Variants in CRPPA observed in about 807,000 individuals in gnomAD.
CRPPA encodes the protein D-ribitol-5-phosphate cytidylyltransferase.
CRPPA carries 43 observed loss-of-function variants against 52.0 expected under a neutral mutation model. The observed-to-expected ratio is 0.83, with a 90% CI of 0.65 to 1.07. CRPPA has a LOEUF of 1.07. CRPPA is among the 50% of genes least tolerant of loss of function. CRPPA has a pLI of 0.00. For missense variants in CRPPA, 629 were observed against 551.7 expected (o/e 1.14, Z -1.40); for synonymous variants, 250 against 203.5 (o/e 1.23, Z -1.94).
intron 3 of CRPPA, among the ~76,000 whole-genome samples, chr7:16,312,536 T>C (rs1326034185): frequency 6.6e-6 from 1 of 151,998 alleles, no homozygotes; most frequent in African/African-American, 2.4e-5. Context: ...CAGACAATCA[T>C]GTCATCTGTG....
chr7:16,171,549 G>A (rs751288407), intron 9 of CRPPA, among the ~76,000 whole-genome samples: 16 of 152,168 alleles, frequency 1.1e-4, no homozygotes, highest in African/African-American at 1.7e-4. Flanking sequence ...GGTGGATCAC[G>A]AGGTCAGGAA....
chr7:16,131,801 G>A (rs886786598), intron 9 of CRPPA, among the ~76,000 whole-genome samples: 2 of 152,056 alleles, frequency 1.3e-5, no homozygotes, highest in Admixed American at 6.5e-5. Flanking sequence ...GGCTGTTCTC[G>A]AGCTCTCGAA....
At chr7:16,189,396 G>C (rs10487915) in intron 9 of CRPPA, among the ~76,000 whole-genome samples, 1 of 151,926 alleles carries the variant, frequency 6.6e-6, no homozygotes, top group Non-Finnish European at 1.5e-5. Flanking sequence ...AGAATGTACG[G>C]TGATTTCTAC....
chr7:16,293,690 CT>C (rs2128421180), intron 5 of CRPPA, among the ~76,000 whole-genome samples: 1 of 152,080 alleles, frequency 6.6e-6, no homozygotes, highest in South Asian at 2.1e-4. Context: ...TCAAAGTGGT[CT>C]TCTGAAAAGC....
chr7:16,379,345 C>T (rs1272092930), intron 2 of CRPPA, among the ~76,000 whole-genome samples: 1 of 152,152 alleles, frequency 6.6e-6, no homozygotes, highest in Non-Finnish European at 1.5e-5. Context: ...TTCCATTGAT[C>T]TATATCTCTG....
intron 6 of CRPPA, among the ~76,000 whole-genome samples, chr7:16,274,414 T>A (rs1289833322): frequency 2.0e-5 from 3 of 152,194 alleles, no homozygotes; most frequent in African/African-American, 7.2e-5. Flanking sequence ...TTTAAACTTT[T>A]AATTCTTTTT....
At chr7:16,103,633 G>A (rs926758287) in intron 9 of CRPPA, among the ~76,000 whole-genome samples, 4 of 152,086 alleles carry the variant, frequency 2.6e-5, no homozygotes, top group African/African-American at 9.7e-5. Flanking sequence ...GTAAGTGTAA[G>A]GGACACTGAT....
At chr7:16,105,107 C>A (rs1002607871) in intron 9 of CRPPA, among the ~76,000 whole-genome samples, 4 of 152,094 alleles carry the variant, frequency 2.6e-5, no homozygotes, top group African/African-American at 9.7e-5. Flanking sequence ...TTGTGGAAGT[C>A]ATTATACAGG....
At chr7:16,340,183 C>T (rs754282925) in intron 3 of CRPPA, among the ~76,000 whole-genome samples, 1 of 151,888 alleles carries the variant, frequency 6.6e-6, no homozygotes, top group Non-Finnish European at 1.5e-5. Flanking sequence ...ACCAAGATGA[C>T]CTTAGGTATG....
intron 9 of CRPPA, among the ~76,000 whole-genome samples, chr7:16,211,227 ACT>A (rs950838600): frequency 1.3e-5 from 2 of 152,160 alleles, no homozygotes; most frequent in Non-Finnish European, 2.9e-5. Flanking sequence ...AGCTAACCAA[ACT>A]CTATAAAAAC....
In CRPPA at chr7:16,200,014, C is replaced by T. The variant is rs141046072; in HGVS notation, c.1251+16052G>A. Among the ~76,000 whole-genome samples the T allele has an allele frequency of 1.7e-3, 264 of 152,028 alleles. 1 individual carries two copies. Among genetic ancestry groups the T allele is most frequent in the African/African-American group, 6.0e-3 (247 of 41,474 alleles). ...CTGGGATTAGAGACAGACAACACCA[C>T]GCCCAGTTAATTTTTGTGTTTTTAG... is the stretch of plus-strand genomic sequence containing the variant. On this transcript the variant is annotated intron_variant, in intron 9 of 9. Transcript: ENST00000407010.
intron 9 of CRPPA, among the ~76,000 whole-genome samples, chr7:16,127,450 T>C (rs1782602001): frequency 6.6e-6 from 1 of 152,050 alleles, no homozygotes; most frequent in Admixed American, 6.5e-5. Flanking sequence ...TAAGTACTAA[T>C]AGAGTATAAT....
intron 3 of CRPPA, among the ~76,000 whole-genome samples, chr7:16,358,230 G>A (rs879893005): frequency 6.6e-6 from 1 of 152,054 alleles, no homozygotes; most frequent in African/African-American, 2.4e-5. Flanking sequence ...AGCAGGGATG[G>A]AAACATGCCA....
intron 8 of CRPPA, among the ~76,000 whole-genome samples, chr7:16,257,509 C>T (rs1407325627): frequency 6.6e-6 from 1 of 152,000 alleles, no homozygotes; most frequent in Non-Finnish European, 1.5e-5. Flanking sequence ...AATAAAGAGG[C>T]CACTGAATTA....
At chr7:16,416,209 C>G (rs926993921) in intron 1 of CRPPA, among the ~76,000 whole-genome samples, 6 of 152,016 alleles carry the variant, frequency 3.9e-5, no homozygotes, top group African/African-American at 1.4e-4. Context: ...AGACACAGAC[C>G]AATGGAACAG....
chr7:16,104,903 G>GA (rs541325740), intron 9 of CRPPA, among the ~76,000 whole-genome samples: 15,563 of 106,690 alleles, frequency 0.15, 1,142 homozygotes, highest in African/African-American at 0.24. Context: ...CCATCTCAAA[G>GA]AAAAAAAAAA....
chr7:16,389,721 C>G (rs1428388938), intron 2 of CRPPA, among the ~76,000 whole-genome samples: 1 of 151,298 alleles, frequency 6.6e-6, no homozygotes, highest in African/African-American at 2.4e-5. Flanking sequence ...TTGGCCATTT[C>G]CAGTAAACAC....
chr7:16,352,913 A>G (rs1204002392), intron 3 of CRPPA, among the ~76,000 whole-genome samples: 1 of 102,896 alleles, frequency 9.7e-6, no homozygotes, highest in Non-Finnish European at 2.2e-5. Context: ...ACACACACAC[A>G]CACACACACA....
intron 9 of CRPPA, among the ~76,000 whole-genome samples, chr7:16,176,237 G>C (rs771060143): frequency 6.6e-6 from 1 of 152,072 alleles, no homozygotes; most frequent in African/African-American, 2.4e-5. Context: ...AATATTTAAA[G>C]AGAGAAGACC....
Sources: allele counts gnomAD v4.1 joint callset (sites outside exome capture counted in the v4.1 genomes callset), GRCh38; gene constraint gnomAD v4.1.1; transcripts MANE v1.5; gene names NCBI Gene and HGNC (gene_info 2026-07-23, HGNC 2026-07-21).